The following LARGE1 variants were observed in gnomAD, a reference collection of about 807,000 sequenced individuals.
The protein encoded by LARGE1 is xylosyl- and glucuronyltransferase LARGE1.
In LARGE1, 43 loss-of-function variants were observed where a neutral mutation model predicts 87.6. The observed-to-expected ratio is 0.49, with a 90% CI of 0.38 to 0.63. LARGE1 has a LOEUF of 0.63. Ranked by LOEUF, LARGE1 falls within the 30% of genes least tolerant of loss-of-function variation. LARGE1 has a pLI of 0.00. For synonymous variants in LARGE1, 434 were observed against 394.6 expected, an observed-to-expected ratio of 1.10 and a Z score of -1.18; for missense variants, 802 against 1,000.2, an observed-to-expected ratio of 0.80 and a Z score of 2.67.
intron 11 of LARGE1, among the ~76,000 whole-genome samples, chr22:33,250,128 G>C (rs1040437777): frequency 2.0e-5 from 3 of 152,166 alleles, no homozygotes; most frequent in African/African-American, 7.2e-5. Context: ...AGTTAGGAAG[G>C]TCTGATATCT....
intron 6 of LARGE1, among the ~76,000 whole-genome samples, chr22:33,458,951 T>C (rs768135437): frequency 1.5e-4 from 23 of 152,226 alleles, no homozygotes; most frequent in Admixed American, 4.6e-4. Flanking sequence ...AGGTATAGTA[T>C]AGGGCATTTA....
chr22:33,835,945 C>T (rs990752757), intron 1 of LARGE1, among the ~76,000 whole-genome samples: 2 of 152,226 alleles, frequency 1.3e-5, no homozygotes, highest in African/African-American at 4.8e-5. Flanking sequence ...TTTAGCTTGA[C>T]TTTACAAAGT....
chr22:33,666,934 C>T (rs959648850), intron 2 of LARGE1, among the ~76,000 whole-genome samples: 1 of 152,226 alleles, frequency 6.6e-6, no homozygotes, highest in Non-Finnish European at 1.5e-5. Context: ...GGGCTTCAGT[C>T]TGCTTTGCAT....
chr22:33,244,321 C>T (rs1347025923), intron 11 of LARGE1, among the ~76,000 whole-genome samples: 1 of 152,132 alleles, frequency 6.6e-6, no homozygotes, highest in Non-Finnish European at 1.5e-5. Context: ...TTTTCATATT[C>T]ACTGTCTAGT....
At chr22:33,499,131 C>T (rs375872280) in intron 6 of LARGE1, among the ~76,000 whole-genome samples, 6 of 152,182 alleles carry the variant, frequency 3.9e-5, no homozygotes, top group African/African-American at 1.2e-4. Flanking sequence ...TACCCACTAC[C>T]TTCCACACCT....
intron 12 of LARGE1, among the ~76,000 whole-genome samples, chr22:33,283,911 G>A (rs1931003555): frequency 6.6e-6 from 1 of 151,510 alleles, no homozygotes; most frequent in South Asian, 2.1e-4. Flanking sequence ...AAAAAAGAAG[G>A]AAAAGAAAGA....
At chr22:33,305,330 G>C (rs1436311239) in intron 11 of LARGE1, among the ~76,000 whole-genome samples, 1 of 149,422 alleles carries the variant, frequency 6.7e-6, no homozygotes, top group Non-Finnish European at 1.5e-5. Flanking sequence ...CCAGGGAGAG[G>C]GGGAAAAATA....
chr22:33,856,979 G>A (rs1273236651), intron 1 of LARGE1, among the ~76,000 whole-genome samples: 1 of 152,024 alleles, frequency 6.6e-6, no homozygotes, highest in African/African-American at 2.4e-5. Flanking sequence ...TGCCCAGGCT[G>A]GAATGCAGTG....
intron 6 of LARGE1, among the ~76,000 whole-genome samples, chr22:33,497,813 G>A (rs528346664): frequency 3.3e-5 from 5 of 151,848 alleles, no homozygotes; most frequent in Non-Finnish European, 7.4e-5. Flanking sequence ...GAGCCTTTGC[G>A]TACTTCATCT....
At chr22:33,423,027 G>C (rs1601786326) in intron 7 of LARGE1, among the ~76,000 whole-genome samples, 1 of 149,964 alleles carries the variant, frequency 6.7e-6, no homozygotes, top group Non-Finnish European at 1.5e-5. Context: ...TTTTTGCATG[G>C]TTTGAATAGT....
At chr22:33,205,339 C>G (rs1924621646) in intron 11 of LARGE1, among the ~76,000 whole-genome samples, 1 of 152,222 alleles carries the variant, frequency 6.6e-6, no homozygotes, top group African/African-American at 2.4e-5. Context: ...CTTTCCAAAG[C>G]TGAGTCTCTA....
intron 4 of LARGE1, among the ~76,000 whole-genome samples, chr22:33,620,467 GC>G (rs1366332593): frequency 6.6e-6 from 1 of 152,162 alleles, no homozygotes; most frequent in African/African-American, 2.4e-5. Flanking sequence ...TGAATAGCCT[GC>G]CGTCTAGGTG....
At chr22:33,770,592 G>A (rs746575373) in intron 1 of LARGE1, among the ~76,000 whole-genome samples, 58 of 152,072 alleles carry the variant, frequency 3.8e-4, no homozygotes, top group Non-Finnish European at 6.5e-4. Flanking sequence ...GGCTGAGGGA[G>A]GATGATCACT....
intron 9 of LARGE1, among the ~76,000 whole-genome samples, chr22:33,344,845 A>G (rs934759908): frequency 3.1e-5 from 1 of 32,776 alleles, no homozygotes; most frequent in African/African-American, 1.3e-4. Flanking sequence ...CTGCTAAAGA[A>G]TGTCTTGTCC....
chr22:33,271,419 G>C (rs896829695), downstream of LARGE1, among the ~76,000 whole-genome samples: 4 of 152,174 alleles, frequency 2.6e-5, no homozygotes, highest in Non-Finnish European at 5.9e-5. Flanking sequence ...TTGCAGTTTT[G>C]CTCCAAGGGT....
chr22:33,730,140 TCTC>T (rs2083414216), intron 2 of LARGE1, among the ~76,000 whole-genome samples: 1 of 152,060 alleles, frequency 6.6e-6, no homozygotes, highest in Non-Finnish European at 1.5e-5. Context: ...AAGACCAATC[TCTC>T]CTCCTCCTCA....
At chr22:33,516,993 A>C (rs548944446) in intron 6 of LARGE1, among the ~76,000 whole-genome samples, 49 of 152,332 alleles carry the variant, frequency 3.2e-4, no homozygotes, top group Non-Finnish European at 4.1e-4. Context: ...TAAAAGGCAA[A>C]CACGCACTCT....
chr22:33,910,804 G>T (rs34597805), intron 1 of LARGE1, among the ~76,000 whole-genome samples: 15,017 of 152,282 alleles, frequency 0.099, 991 homozygotes, highest in Non-Finnish European at 0.14. Context: ...CACTCAAGTG[G>T]GAAAACAAGT....
At chr22:33,563,839 A>C (rs1012515943) in intron 6 of LARGE1, among the ~76,000 whole-genome samples, 2 of 152,136 alleles carry the variant, frequency 1.3e-5, no homozygotes, top group Non-Finnish European at 2.9e-5. Flanking sequence ...CATTCCCATG[A>C]TTTGGTGAAG....
Sources: allele counts gnomAD v4.1 joint callset (sites outside exome capture counted in the v4.1 genomes callset), GRCh38; gene constraint gnomAD v4.1.1; transcripts MANE v1.5; gene names NCBI Gene and HGNC (gene_info 2026-07-23, HGNC 2026-07-21).